SPATA19: variants seen among roughly 807,000 people sequenced by gnomAD.
SPATA19 encodes the protein spermatogenesis associated 19.
A neutral mutation model predicts 25.0 loss-of-function variants in SPATA19; 19 were observed. That is an observed-to-expected ratio of 0.76 (90% CI 0.53 to 1.11). The LOEUF (loss-of-function observed/expected upper bound fraction) is 1.11. Ranked by LOEUF, SPATA19 falls within the 50% of genes most tolerant of loss-of-function variation. The pLI is 0.00. For missense variants in SPATA19, 222 were observed against 211.4 expected (o/e 1.05, Z -0.31); for synonymous variants, 64 against 69.3 (o/e 0.92, Z 0.38).
At chr11:133,836,601 A>G (rs369829121), downstream of SPATA19, among the ~76,000 whole-genome samples, 25 of 152,342 alleles carry the variant, frequency 1.6e-4, no homozygotes, top group East Asian at 4.8e-3. Context: ...GCCTCTCTGG[A>G]CTGACTGTCC....
Position 133,842,498 on chromosome 11 carries a change from GC to G in SPATA19, c.423del (p.Glu141AspfsTer3). 6.2e-7 allele frequency: 1 copy of G among 1,613,770 alleles called. No individual in the cohort carries two copies. The highest frequency in any genetic ancestry group is 1.1e-5 in the South Asian group (1 of 91,072). On this transcript the variant is annotated frameshift_variant, in exon 5 of 7. Coordinates refer to ENST00000299140, the MANE Select transcript of SPATA19 (RefSeq NM_174927.3). LOFTEE classifies it high-confidence loss of function. ...MTEDIMRDRIEQVRRSISRLT... is the reference protein window; with the variant it reads ...MTEDIMRDRIXQVRRSISRLT... ...CAAACAGCTTACCTTCGTCTCACCT[GC>G]TCTATTCGATCTCGCATGATGTCCT...
chr11:133,841,135 T>A (rs1002340151), intron 6 of SPATA19, among the ~76,000 whole-genome samples: 5 of 152,158 alleles, frequency 3.3e-5, no homozygotes, highest in African/African-American at 1.2e-4. Flanking sequence ...CCAAAGTAGA[T>A]ACTCTGTTGC....
At position 133,842,620 on chromosome 11, in the gene SPATA19, A is replaced by C. The variant is rs931796890; in HGVS notation, c.360-58T>G. 5.3e-6 allele frequency: 7 copies of C among 1,311,766 alleles called. No individual in the cohort carries two copies. In the East Asian group the frequency reaches 1.6e-4, roughly 30 times the overall value. The allele number at this position is 1,311,766 out of a possible 1,614,324, so 81.3% of individuals were successfully genotyped here. ...GATCTGAGTTTCTTTCTTAACAGGCATAGAGAGCTGCTAGAGATGGGATCC... is the reference window on the plus strand; with the variant it reads ...GATCTGAGTTTCTTTCTTAACAGGCCTAGAGAGCTGCTAGAGATGGGATCC... On this transcript the variant is annotated intron_variant, in intron 4 of 6. Transcript: ENST00000299140.
intron 3 of SPATA19, 49 bp downstream of exon 3, chr11:133,844,460 C>G: frequency 6.2e-7 from 1 of 1,613,672 alleles, no homozygotes. Flanking sequence ...CCCACCTCTC[C>G]CCTCTCCCTC....
rs571493420 is a variant in SPATA19, at chr11:133,845,410, G to T, written c.37C>A (p.Arg13=). The T allele has an allele frequency of 6.2e-7, 1 of 1,613,950 alleles. No individual in the cohort carries two copies. Among genetic ancestry groups the T allele is most frequent in the Admixed American group, 1.7e-5 (1 of 59,996 alleles). Residue 13 remains arginine, a synonymous_variant, in exon 1 of 7, where the codon CGG becomes AGG. Coordinates refer to ENST00000299140, the MANE Select transcript of SPATA19 (RefSeq NM_174927.3). ...ITTWIVYILA[R]KGVGLPFLPI... is the part of the protein sequence containing the mutation. ...AGGAAGGGAAGCCCTACACCTTTCC[G>T]AGCAAGAATATACACAATCCATGTC... is the stretch of plus-strand genomic sequence containing the variant.
rs773644790 is a variant in SPATA19, at chr11:133,842,552, T to TA, written c.369dup (p.Ile124TyrfsTer7). 1.9e-6 allele frequency: 3 copies of TA among 1,613,876 alleles called. No individual in the cohort carries two copies. ...GTCATCTCACTTGGCACTTGGAAGATACGAGTGTGGCTGCAAAAGGCCATT... is the reference window on the plus strand; with the variant it reads ...GTCATCTCACTTGGCACTTGGAAGATAACGAGTGTGGCTGCAAAAGGCCATT... On this transcript the variant is annotated frameshift_variant, in exon 5 of 7. Coordinates refer to ENST00000299140, the MANE Select transcript of SPATA19 (RefSeq NM_174927.3). LOFTEE classifies it high-confidence loss of function.
rs571493420 is a variant in SPATA19 at position 133,845,410 on chromosome 11, G to A, written c.37C>T (p.Arg13Trp). ...ITTWIVYILA[R>W]KGVGLPFLPI... ...AGGAAGGGAAGCCCTACACCTTTCC[G>A]AGCAAGAATATACACAATCCATGTC... The change falls in exon 1 of 7, where the codon CGG becomes TGG. Residue 13 changes from arginine to tryptophan, a missense_variant. Physicochemically the swap from Arg to Trp is moderately radical, Grantham distance 101 (BLOSUM62 -3). Coordinates refer to ENST00000299140, the MANE Select transcript of SPATA19 (RefSeq NM_174927.3). 6.8e-6 allele frequency: 11 copies of A among 1,614,068 alleles called. No homozygotes were observed. The highest frequency in any genetic ancestry group is 1.6e-4 in the Middle Eastern group (1 of 6,062).
At chr11:133,837,614 G>A (rs2156675), downstream of SPATA19, among the ~76,000 whole-genome samples, 130,624 of 152,184 alleles carry the variant, frequency 0.86, 56,645 homozygotes, top group East Asian at 1. Flanking sequence ...GGGAGAAGGG[G>A]AATACCCAAC....
Position 133,844,614 on chromosome 11 carries a change from T to C in SPATA19, c.162A>G (p.Ile54Met), listed in dbSNP as rs1174214420. Residue 54 changes from isoleucine (I) to methionine (M), a missense_variant, in exon 3 of 7, where the codon ATA (isoleucine) becomes ATG (methionine). By Grantham distance (10) the Ile-to-Met change is conservative. Transcript: ENST00000299140. ...GGTGGTTGATGGACAGCTTTTCCTT[T>C]ATGCCCCGAGAAGCCTCTTCTTCTG... ...KKTEEEASRG[I>M]KEKLSINHPS... is the part of the protein sequence containing the mutation. 8 of 1,611,334 alleles carry C rather than the reference T, an allele frequency of 5.0e-6. No individual in the cohort carries two copies. In the East Asian group the frequency reaches 1.8e-4, roughly 36 times the overall value.
downstream of SPATA19, among the ~76,000 whole-genome samples, chr11:133,836,534 G>T (rs2121168872): frequency 6.6e-6 from 1 of 152,312 alleles, no homozygotes; most frequent in Non-Finnish European, 1.5e-5. Context: ...GAGACCATTT[G>T]GATTCAAACT....
intron 4 of SPATA19, among the ~76,000 whole-genome samples, chr11:133,843,532 A>AT (rs2121184351): frequency 1.3e-5 from 2 of 152,334 alleles, no homozygotes; most frequent in African/African-American, 4.8e-5. Flanking sequence ...TTGATACAAC[A>AT]GATCAACATC....
At chr11:133,841,752 A>G (rs1938314927) in intron 6 of SPATA19, among the ~76,000 whole-genome samples, 1 of 152,182 alleles carries the variant, frequency 6.6e-6, no homozygotes, top group African/African-American at 2.4e-5. Context: ...TAAACACGAA[A>G]GCCCGGGCCC....
chr11:133,837,651 G>A (rs528682208), downstream of SPATA19, among the ~76,000 whole-genome samples: 8 of 152,240 alleles, frequency 5.3e-5, no homozygotes, highest in East Asian at 1.5e-3. Flanking sequence ...TAGCCTTCCT[G>A]TCTTTCCTAA....
chr11:133,844,421 C>T (rs1388461411), intron 3 of SPATA19, 84 bp from the exon 4 acceptor site: 7 of 1,611,648 alleles, frequency 4.3e-6, no homozygotes, highest in South Asian at 3.3e-5. Context: ...AGCACCTCAC[C>T]CTTGCCCAGA....
Position 133,845,118 on chromosome 11 carries a change from A to C in SPATA19, c.135+16T>G. The C allele has an allele frequency of 6.2e-7, 1 of 1,611,380 alleles. No homozygotes were observed. On this transcript the variant is annotated intron_variant, in intron 2 of 6. Transcript: ENST00000299140. Reference sequence around the variant, plus strand: ...AGCATTTTGGATATCCTGAGTCATAAAGAAATCTTACTCACTTTTTTCAAC... The same window carrying C: ...AGCATTTTGGATATCCTGAGTCATACAGAAATCTTACTCACTTTTTTCAAC...
At chr11:133,838,607 G>C (rs568875071), downstream of SPATA19, among the ~76,000 whole-genome samples, 1 of 152,236 alleles carries the variant, frequency 6.6e-6, no homozygotes, top group East Asian at 1.9e-4. Flanking sequence ...TACCATTCAG[G>C]ACATAGGCAT....
downstream of SPATA19, among the ~76,000 whole-genome samples, chr11:133,837,099 T>G (rs985973229): frequency 6.6e-6 from 1 of 152,162 alleles, no homozygotes; most frequent in African/African-American, 2.4e-5. Flanking sequence ...AATAAATACT[T>G]CAATAAGACT....
rs1235857646 is a variant in SPATA19 at position 133,845,472 on chromosome 11, C to G, written c.-26G>C. ...CTTTGAATGTATACCAGGCCCCCTTCTTGGCTCCCTCCTTCCATTGAAGCT... is the reference window on the plus strand; with the variant it reads ...CTTTGAATGTATACCAGGCCCCCTTGTTGGCTCCCTCCTTCCATTGAAGCT... On this transcript the variant is annotated 5_prime_UTR_variant, in exon 1 of 7. Coordinates refer to ENST00000299140, the MANE Select transcript of SPATA19 (RefSeq NM_174927.3). The G allele has an allele frequency of 6.2e-7, 1 of 1,612,988 alleles. No homozygotes were observed. The highest frequency in any genetic ancestry group is 8.5e-7 in the Non-Finnish European group (1 of 1,179,432).
downstream of SPATA19, among the ~76,000 whole-genome samples, chr11:133,838,323 T>C (rs558616839): frequency 2.0e-5 from 3 of 152,092 alleles, no homozygotes; most frequent in Non-Finnish European, 2.9e-5. Context: ...AAAAACACTA[T>C]ATAGGAATAA....
Sources: allele counts gnomAD v4.1 joint callset (sites outside exome capture counted in the v4.1 genomes callset), GRCh38; gene constraint gnomAD v4.1.1; transcripts MANE v1.5; gene names NCBI Gene and HGNC (gene_info 2026-07-23, HGNC 2026-07-21).